The following C7 variants were observed in gnomAD, a reference collection of about 807,000 sequenced individuals.
The protein encoded by C7 is complement C7, also known as complement component C7.
In C7, 83 loss-of-function variants were observed where a neutral mutation model predicts 104.8. The observed-to-expected ratio is 0.79, with a 90% CI of 0.66 to 0.95. The LOEUF is 0.95. Among genes scored for constraint, C7 ranks in the 40% least tolerant of loss-of-function variants. C7 has a pLI of 0.00. For synonymous variants in C7, 415 were observed against 360.6 expected (o/e 1.15, Z -1.71); for missense variants, 1,070 against 1,011.2 (o/e 1.06, Z -0.79).
At chr5:40,948,956 C>A (rs1173711630) in intron 8 of C7, among the ~76,000 whole-genome samples, 1 of 151,734 alleles carries the variant, frequency 6.6e-6, no homozygotes, top group Non-Finnish European at 1.5e-5. Flanking sequence ...TAAAATTTAA[C>A]TAGAACTTGA....
chr5:40,980,713 C>T (rs537666769), intron 17 of C7, among the ~76,000 whole-genome samples: 18 of 152,296 alleles, frequency 1.2e-4, no homozygotes, highest in African/African-American at 4.1e-4. Context: ...GTCGTCTCTT[C>T]ACTCTCTGCC....
intron 6 of C7, among the ~76,000 whole-genome samples, chr5:40,938,292 T>C (rs1190064617): frequency 6.6e-6 from 1 of 152,192 alleles, no homozygotes; most frequent in African/African-American, 2.4e-5. Context: ...TTATTCTTTA[T>C]ATGTTTTTGT....
intron 2 of C7, among the ~76,000 whole-genome samples, chr5:40,930,499 C>T (rs545520211): frequency 4.6e-5 from 7 of 151,464 alleles, no homozygotes; most frequent in African/African-American, 9.7e-5. Context: ...AGCAACCATA[C>T]CCGGCCAATG....
chr5:40,981,571 T>A lies in C7; in HGVS notation c.2530T>A (p.Ter844LysextTer18). ...AAGGCCTTGTGCTGCGGAAACCCAGTAGGCTCCTGGAGGCCCTGGTCAGCT... is the reference window on the plus strand; with the variant it reads ...AAGGCCTTGTGCTGCGGAAACCCAGAAGGCTCCTGGAGGCCCTGGTCAGCT... ...SIRPCAAETQ[*>K] Residue 844 changes from the stop codon to lysine, a stop_lost, in exon 18 of 18, where the codon TAG becomes AAG. Coordinates refer to ENST00000313164, the MANE Select transcript of C7 (RefSeq NM_000587.4). 6.2e-7 allele frequency: 1 copy of A among 1,604,626 alleles called. No individual in the cohort carries two copies.
rs1008393920 is a variant in C7, at chr5:40,936,603, C to T, written c.428+118C>T. On this transcript the variant is annotated intron_variant, in intron 5 of 17. Coordinates refer to ENST00000313164, the MANE Select transcript of C7 (RefSeq NM_000587.4). ...TCTAATAGGCAAGATTATTCATTGG[C>T]TCAGAGCTCTTTGCCACATCCTGAG... 7.7e-6 allele frequency: 7 copies of T among 914,290 alleles called. No individual in the cohort carries two copies. The African/African-American group carries it at 8.4e-5, about 11-fold the overall frequency. The allele number at this position is 914,290 out of a possible 1,614,324, so 56.6% of individuals were successfully genotyped here. A position where few individuals can be genotyped will look rare whatever the true frequency, so the allele number is the denominator to read the frequency against.
intron 10 of C7, among the ~76,000 whole-genome samples, chr5:40,956,788 G>T (rs1299042852): frequency 6.6e-6 from 1 of 152,196 alleles, no homozygotes; most frequent in Non-Finnish European, 1.5e-5. Flanking sequence ...ATGGGTGAGG[G>T]AGGGAGGGTG....
At position 40,945,295 on chromosome 5, in the gene C7, G is replaced by A. The variant is rs75345202; in HGVS notation, c.665G>A (p.Arg222His). ...STEHTSSSRK[R>H]SFFRSSSSSS... Reference sequence around the variant, plus strand: ...GAACACACATCATCTAGTCGGAAGCGCTCCTTTTTTAGATCTTCATCATCT... The same window carrying A: ...GAACACACATCATCTAGTCGGAAGCACTCCTTTTTTAGATCTTCATCATCT... Residue 222 changes from arginine (R) to histidine (H), a missense_variant, in exon 7 of 18, where the codon CGC becomes CAC. Arg to His is a conservative substitution (Grantham distance 29). Coordinates refer to ENST00000313164, the MANE Select transcript of C7 (RefSeq NM_000587.4). 3.8e-3 allele frequency: 6,159 copies of A among 1,607,530 alleles called. 211 individuals carry two copies. In the East Asian group the frequency reaches 0.091, roughly 24 times the overall value.
At chr5:40,970,439 G>T (rs570621317) in intron 14 of C7, among the ~76,000 whole-genome samples, 1 of 152,068 alleles carries the variant, frequency 6.6e-6, no homozygotes, top group East Asian at 1.9e-4. Context: ...AATTGAGTAA[G>T]AAAGAATACA....
intron 1 of C7, among the ~76,000 whole-genome samples, chr5:40,925,392 A>G (rs1739531114): frequency 6.6e-6 from 1 of 152,218 alleles, no homozygotes; most frequent in Admixed American, 6.5e-5. Context: ...CTGAGACTTC[A>G]TCAGCCTGGA....
rs1265028831 is a variant in C7, at chr5:40,919,615, G to T, written c.7-8965G>T. On this transcript the variant is annotated intron_variant, in intron 1 of 17. Coordinates refer to ENST00000313164, the MANE Select transcript of C7 (RefSeq NM_000587.4). ...CACTCCAGCCTGGGTGACAGAAAAA[G>T]ACCCTGTCTCTAAAAATAAATAAAT... Among the ~76,000 whole-genome samples the T allele has an allele frequency of 2.6e-5, 4 of 151,990 alleles. No homozygotes were observed. The East Asian group carries it at 7.7e-4, about 29-fold the overall frequency.
chr5:40,921,610 A>T (rs1301807352), intron 1 of C7, among the ~76,000 whole-genome samples: 1 of 152,218 alleles, frequency 6.6e-6, no homozygotes, highest in African/African-American at 2.4e-5. Flanking sequence ...TTATACAAAA[A>T]AAAAAAGTAG....
intron 13 of C7, among the ~76,000 whole-genome samples, chr5:40,962,511 C>T (rs1740443017): frequency 6.6e-6 from 1 of 152,064 alleles, no homozygotes; most frequent in Admixed American, 6.5e-5. Flanking sequence ...CAGAGCTTCT[C>T]TTATTTTTGC....
intron 4 of C7, 93 bp from the exon 5 acceptor site, chr5:40,936,245 T>G: frequency 9.8e-7 from 1 of 1,021,974 alleles, no homozygotes; most frequent in Non-Finnish European, 1.5e-6. Flanking sequence ...ATCAGTGCAG[T>G]GTTACAGGTA....
chr5:40,954,704 T>G (rs376027457), intron 9 of C7, among the ~76,000 whole-genome samples: 1 of 151,194 alleles, frequency 6.6e-6, no homozygotes, highest in East Asian at 1.9e-4. Flanking sequence ...GCCAACATGG[T>G]GAAACCCCAT....
chr5:40,965,711 G>T (rs1740533128), intron 14 of C7, among the ~76,000 whole-genome samples: 1 of 148,154 alleles, frequency 6.7e-6, no homozygotes, highest in African/African-American at 2.5e-5. Flanking sequence ...GTGCCATCTT[G>T]GCTCACTGCA....
chr5:40,961,153 T>C (rs948639036), intron 12 of C7, among the ~76,000 whole-genome samples: 3 of 152,236 alleles, frequency 2.0e-5, no homozygotes, highest in South Asian at 2.1e-4. Flanking sequence ...AGGAGCCTAA[T>C]TGACTATACG....
At chr5:40,968,415 C>G (rs575684778) in intron 14 of C7, among the ~76,000 whole-genome samples, 1 of 151,530 alleles carries the variant, frequency 6.6e-6, no homozygotes, top group Non-Finnish European at 1.5e-5. Context: ...CATGAGCCAC[C>G]GCACCTGGCC....
intron 13 of C7, among the ~76,000 whole-genome samples, chr5:40,963,994 G>A (rs1213436412): frequency 7.4e-6 from 1 of 135,940 alleles, no homozygotes; most frequent in Non-Finnish European, 1.6e-5. Flanking sequence ...CAGTATGGCA[G>A]TATTGTCAAT....
intron 6 of C7, among the ~76,000 whole-genome samples, chr5:40,942,520 T>C (rs974574754): frequency 2.0e-5 from 3 of 152,136 alleles, no homozygotes; most frequent in African/African-American, 4.8e-5. Flanking sequence ...GATGGGAGTT[T>C]TTGTAAAGAA....
Sources: gnomAD v4.1 joint callset for allele counts (sites outside exome capture counted in the v4.1 genomes callset) on GRCh38, gnomAD v4.1.1 for gene constraint, MANE v1.5 for transcripts, NCBI Gene and HGNC (gene_info 2026-07-23, HGNC 2026-07-21) for gene names.